Variants in ZDHHC14 observed in about 807,000 individuals in gnomAD.
ZDHHC14 encodes zDHHC palmitoyltransferase 14.
Under a neutral mutation model 47.7 loss-of-function variants are expected in ZDHHC14, and 16 were observed. The observed-to-expected ratio is 0.34, with a 90% CI of 0.23 to 0.51. ZDHHC14 has a LOEUF of 0.51. Ranked by LOEUF, ZDHHC14 falls within the 20% of genes least tolerant of loss-of-function variation. The pLI is 0.97. For synonymous variants in ZDHHC14, 293 were observed against 278.9 expected (o/e 1.05, Z -0.50); for missense variants, 515 against 662.5 (o/e 0.78, Z 2.44).
At chr6:157,404,305 T>C (rs1777701124) in intron 1 of ZDHHC14, among the ~76,000 whole-genome samples, 1 of 152,046 alleles carries the variant, frequency 6.6e-6, no homozygotes, top group African/African-American at 2.4e-5. Flanking sequence ...TCCGGCTAAT[T>C]TTTGTTTTTC....
intron 1 of ZDHHC14, among the ~76,000 whole-genome samples, chr6:157,538,384 C>G (rs1054054760): frequency 6.6e-6 from 1 of 152,182 alleles, no homozygotes; most frequent in Non-Finnish European, 1.5e-5. Flanking sequence ...ACCTAGCGAG[C>G]TGACAAAAGT....
chr6:157,570,816 CATAT>C (rs560297391), intron 2 of ZDHHC14, among the ~76,000 whole-genome samples: 8 of 148,294 alleles, frequency 5.4e-5, no homozygotes, highest in South Asian at 4.3e-4. Flanking sequence ...CACACACACA[CATAT>C]ATATATATAT....
chr6:157,386,741 C>T (rs1777319481), intron 1 of ZDHHC14, among the ~76,000 whole-genome samples: 1 of 152,194 alleles, frequency 6.6e-6, no homozygotes, highest in Admixed American at 6.5e-5. Flanking sequence ...TATTAAGAGT[C>T]TCATCAAGGC....
At chr6:157,633,813 C>T (rs889118355) in intron 5 of ZDHHC14, among the ~76,000 whole-genome samples, 7 of 152,076 alleles carry the variant, frequency 4.6e-5, no homozygotes, top group African/African-American at 9.7e-5. Flanking sequence ...CCACCATGCC[C>T]GGCTAATTTT....
chr6:157,552,604 G>A (rs937947461), intron 2 of ZDHHC14, among the ~76,000 whole-genome samples: 1 of 152,166 alleles, frequency 6.6e-6, no homozygotes, highest in Admixed American at 6.5e-5. Context: ...CCAAGGCAAG[G>A]AGGTGTGGCG....
intron 3 of ZDHHC14, among the ~76,000 whole-genome samples, chr6:157,612,869 T>C (rs1031421841): frequency 1.3e-5 from 2 of 152,096 alleles, no homozygotes; most frequent in African/African-American, 4.8e-5. Context: ...ATATTGCTTT[T>C]TTGGCCCTAT....
chr6:157,524,547 T>C (rs1301880877), intron 1 of ZDHHC14, among the ~76,000 whole-genome samples: 1 of 152,234 alleles, frequency 6.6e-6, no homozygotes, highest in Non-Finnish European at 1.5e-5. Context: ...TATTAGCTTC[T>C]TACATATCTT....
chr6:157,612,912 A>G (rs996406882), intron 3 of ZDHHC14, among the ~76,000 whole-genome samples: 4 of 152,152 alleles, frequency 2.6e-5, no homozygotes, highest in African/African-American at 4.8e-5. Context: ...GGGGGGAAAA[A>G]AAAAGCCTCG....
At position 157,582,246 on chromosome 6, in the gene ZDHHC14, T is replaced by C. The variant is rs1200664610; in HGVS notation, c.407-10742T>C. Among the ~76,000 whole-genome samples the C allele has an allele frequency of 6.6e-6, 1 of 152,192 alleles. No homozygotes were observed. The stretch of plus-strand genomic sequence containing the variant: ...ATTTCCTATTTACATTCAAAGTTAG[T>C]ATTGATATGTGCGGATTTGATCTTG... On this transcript the variant is annotated intron_variant, in intron 2 of 8. Transcript: ENST00000359775. This position sits in a 1 kb window ranked among gnomAD's most constrained non-coding sequence, Gnocchi z 4.3.
intron 8 of ZDHHC14, among the ~76,000 whole-genome samples, chr6:157,661,326 T>TA (rs1778334998): frequency 6.6e-6 from 1 of 152,172 alleles, no homozygotes; most frequent in Non-Finnish European, 1.5e-5. Context: ...AGCTAGCCTG[T>TA]AAAAAACCTG....
chr6:157,477,156 G>T (rs1260335055), intron 1 of ZDHHC14, among the ~76,000 whole-genome samples: 1 of 152,174 alleles, frequency 6.6e-6, no homozygotes, highest in Non-Finnish European at 1.5e-5. Context: ...TGAGGGGGGT[G>T]GTCACCTGAG....
In ZDHHC14 at chr6:157,470,890, CAT is replaced by C. The variant is rs1210961915; in HGVS notation, c.246-71694_246-71693del. Among the ~76,000 whole-genome samples the C allele has an allele frequency of 5.9e-5, 9 of 152,306 alleles. No individual in the cohort carries two copies. In the East Asian group the frequency reaches 1.5e-3, roughly 26 times the overall value. ...TTGGCCAGTAAAGTCTATACACACA[CAT>C]GTTATGGTGGCTTCCACGTGTGAGC... On this transcript the variant is annotated intron_variant, in intron 1 of 8. Coordinates refer to ENST00000359775, the MANE Select transcript of ZDHHC14 (RefSeq NM_024630.3).
At chr6:157,504,195 T>A (rs200704975) in intron 1 of ZDHHC14, among the ~76,000 whole-genome samples, 38,184 of 151,908 alleles carry the variant, frequency 0.25, 5,900 homozygotes, top group African/African-American at 0.4. Flanking sequence ...TATATATATT[T>A]TTTTTTTGTT....
At chr6:157,610,007 T>C (rs565565160) in intron 3 of ZDHHC14, among the ~76,000 whole-genome samples, 224 of 152,332 alleles carry the variant, frequency 1.5e-3, no homozygotes, top group African/African-American at 4.9e-3. Context: ...GGGTGAATCA[T>C]TGAAGTTCAT....
At chr6:157,626,896 G>T (rs183600915) in intron 3 of ZDHHC14, among the ~76,000 whole-genome samples, 2,580 of 149,992 alleles carry the variant, frequency 0.017, 47 homozygotes, top group Middle Eastern at 0.038. Flanking sequence ...CAGCTGGGGG[G>T]GGGGCGGCGG....
At chr6:157,525,216 A>G (rs1781114525) in intron 1 of ZDHHC14, among the ~76,000 whole-genome samples, 1 of 152,136 alleles carries the variant, frequency 6.6e-6, no homozygotes, top group Admixed American at 6.5e-5. Flanking sequence ...ACTAGAGTGC[A>G]GTGGCATGAT....
intron 7 of ZDHHC14, among the ~76,000 whole-genome samples, chr6:157,650,349 A>G (rs1197761493): frequency 6.6e-6 from 1 of 152,058 alleles, no homozygotes; most frequent in South Asian, 2.1e-4. Flanking sequence ...GATGGGGTTA[A>G]TGTCAGGAGT....
At chr6:157,437,229 C>T (rs1562424494) in intron 1 of ZDHHC14, among the ~76,000 whole-genome samples, 1 of 152,206 alleles carries the variant, frequency 6.6e-6, no homozygotes, top group Non-Finnish European at 1.5e-5. Flanking sequence ...TCCCATGAAG[C>T]TTTGTGCTGT....
At chr6:157,416,972 G>GA (rs1777988534) in intron 1 of ZDHHC14, among the ~76,000 whole-genome samples, 4 of 45,560 alleles carry the variant, frequency 8.8e-5, no homozygotes, top group Non-Finnish European at 1.4e-4. Context: ...TGCCTGGCTA[G>GA]TTTTTTTTTT....
Sources: allele counts gnomAD v4.1 joint callset (sites outside exome capture counted in the v4.1 genomes callset), GRCh38; gene constraint gnomAD v4.1.1; non-coding constraint Gnocchi (gnomAD v3.1); transcripts MANE v1.5; gene names NCBI Gene and HGNC (gene_info 2026-07-23, HGNC 2026-07-21).